The following SOX5 variants were observed in gnomAD, a reference collection of about 807,000 sequenced individuals.
SOX5 encodes the protein SRY-box transcription factor 5, also known as transcription factor SOX-5.
A neutral mutation model predicts 92.0 loss-of-function variants in SOX5; 9 were observed. The ratio of observed to expected loss-of-function variants is 0.10; its 90% CI spans 0.06 to 0.17. The LOEUF (loss-of-function observed/expected upper bound fraction) is 0.17, where lower values mean the gene tolerates loss of function less well. Among genes scored for constraint, SOX5 ranks in the 10% least tolerant of loss-of-function variants. The pLI, the probability that SOX5 is intolerant of heterozygous loss-of-function variation, is 1.00. For missense variants in SOX5, 642 were observed against 944.5 expected, an observed-to-expected ratio of 0.68 and a Z score of 4.20; for synonymous variants, 344 against 336.3, an observed-to-expected ratio of 1.02 and a Z score of -0.25.
chr12:23,992,452 G>T (rs28740811), intron 4 of SOX5, among the ~76,000 whole-genome samples: 8,027 of 152,100 alleles, frequency 0.053, 653 homozygotes, highest in East Asian at 0.38. Context: ...TACATAATTT[G>T]CAAAGTAGCC....
intron 3 of SOX5, among the ~76,000 whole-genome samples, chr12:23,837,093 A>G (rs1013906704): frequency 6.7e-6 from 1 of 149,466 alleles, no homozygotes; most frequent in African/African-American, 2.5e-5. Context: ...TTTGGTGACT[A>G]TTCTCAGGTC....
chr12:24,135,615 A>C (rs1565506041), intron 4 of SOX5, among the ~76,000 whole-genome samples: 1 of 152,224 alleles, frequency 6.6e-6, no homozygotes, highest in Admixed American at 6.5e-5. Flanking sequence ...ACATAATATA[A>C]ATAAATGTCA....
At chr12:23,782,363 A>G (rs2095297979) in intron 3 of SOX5, among the ~76,000 whole-genome samples, 1 of 152,174 alleles carries the variant, frequency 6.6e-6, no homozygotes. Context: ...AATAAATCTC[A>G]GGATCAAGAC....
rs1312952456 is a variant in SOX5, at chr12:23,910,573, G to A, written c.39-14549C>T. Among the ~76,000 whole-genome samples, 4 of 152,112 alleles carry A rather than the reference G, an allele frequency of 2.6e-5. No individual in the cohort carries two copies. In the East Asian group the frequency reaches 7.7e-4, roughly 29 times the overall value. On this transcript the variant is annotated intron_variant, in intron 1 of 14. Coordinates refer to ENST00000451604, the MANE Select transcript of SOX5 (RefSeq NM_006940.6). The stretch of plus-strand genomic sequence containing the variant: ...AGTTAGTAAGCAAAACACAATAAAT[G>A]CCCAAGGAAATCCCAGGGCAAGAGC...
At chr12:24,198,830 A>C (rs1165392248) in intron 4 of SOX5, among the ~76,000 whole-genome samples, 2 of 152,166 alleles carry the variant, frequency 1.3e-5, no homozygotes, top group East Asian at 3.8e-4. Flanking sequence ...TGCAGGGCAA[A>C]TGTAGAGTAT....
At chr12:24,175,100 A>T (rs1954660497) in intron 4 of SOX5, among the ~76,000 whole-genome samples, 1 of 152,238 alleles carries the variant, frequency 6.6e-6, no homozygotes, top group South Asian at 2.1e-4. Flanking sequence ...AATATTTTCA[A>T]CATTTGTTAG....
intron 1 of SOX5, among the ~76,000 whole-genome samples, chr12:24,495,059 T>C (rs1422594740): frequency 2.0e-5 from 3 of 152,226 alleles, no homozygotes; most frequent in Non-Finnish European, 2.9e-5. Flanking sequence ...TATAAATTTG[T>C]TCACAGAAGA....
chr12:24,133,981 G>A (rs10842280), intron 4 of SOX5, among the ~76,000 whole-genome samples: 22,893 of 152,050 alleles, frequency 0.15, 1,897 homozygotes, highest in Middle Eastern at 0.22. Flanking sequence ...CTACTTTAGG[G>A]CAAATTAGCT....
chr12:24,211,097 T>C (rs1958561292), intron 4 of SOX5, among the ~76,000 whole-genome samples: 1 of 152,208 alleles, frequency 6.6e-6, no homozygotes, highest in African/African-American at 2.4e-5. Context: ...TTCCTGCCAC[T>C]GCCCTTGCCA....
intron 2 of SOX5, among the ~76,000 whole-genome samples, chr12:23,871,934 T>C (rs1162035251): frequency 2.0e-5 from 3 of 151,908 alleles, no homozygotes; most frequent in African/African-American, 7.2e-5. Flanking sequence ...CTAAGAATAC[T>C]TGAGAGTACA....
At chr12:24,320,933 C>T (rs1950165690) in intron 2 of SOX5, among the ~76,000 whole-genome samples, 2 of 151,886 alleles carry the variant, frequency 1.3e-5, no homozygotes, top group Non-Finnish European at 2.9e-5. Context: ...ATTAAGAAGT[C>T]GTGAAACTGT....
chr12:23,882,595 G>A (rs1168957216), intron 2 of SOX5, among the ~76,000 whole-genome samples: 1 of 152,094 alleles, frequency 6.6e-6, no homozygotes, highest in African/African-American at 2.4e-5. Context: ...AGAATGATTC[G>A]ATTTATTGGA....
Position 24,432,206 on chromosome 12 carries a change from A to G in SOX5, c.-250-63567T>C, listed in dbSNP as rs11047435. Among the ~76,000 whole-genome samples the G allele has an allele frequency of 7.0e-3, 1,063 of 152,240 alleles. 6 individuals are homozygous for G. The highest frequency in any genetic ancestry group is 0.012 in the Non-Finnish European group (787 of 68,010). On this transcript the variant is annotated intron_variant, in intron 1 of 4. Transcript: ENST00000446891. ...CTGGAGGCCAAAGACCTGGATTTGA[A>G]TTTTGGTTGTGCCACTTTACTGGTG...
Position 23,817,267 on chromosome 12 carries a change from A to G in SOX5, c.481+28716T>C, listed in dbSNP as rs144192287. ...ACCCATTATTATTATTCTTATCATA[A>G]TCTTGACTCAACTTTCCAAGCATCT... On this transcript the variant is annotated intron_variant, in intron 3 of 14. Coordinates refer to ENST00000451604, the MANE Select transcript of SOX5 (RefSeq NM_006940.6). Among the ~76,000 whole-genome samples the G allele has an allele frequency of 8.0e-3, 1,215 of 152,290 alleles. 8 individuals are homozygous for G. The highest frequency in any genetic ancestry group is 0.014 in the Non-Finnish European group (929 of 68,016).
At chr12:24,434,184 A>G (rs1938951905) in intron 1 of SOX5, among the ~76,000 whole-genome samples, 1 of 152,154 alleles carries the variant, frequency 6.6e-6, no homozygotes. Context: ...TATTAGTACA[A>G]ATGACATCAT....
chr12:24,287,204 T>A (rs372885906), intron 2 of SOX5, among the ~76,000 whole-genome samples: 2 of 152,216 alleles, frequency 1.3e-5, no homozygotes, highest in African/African-American at 2.4e-5. Flanking sequence ...AGAAAAGATA[T>A]TCATATTTGA....
At chr12:24,271,073 A>C (rs1328556747) in intron 3 of SOX5, among the ~76,000 whole-genome samples, 6 of 152,250 alleles carry the variant, frequency 3.9e-5, no homozygotes, top group Admixed American at 3.3e-4. Context: ...AAGGGCTATA[A>C]ATTTCAACTT....
intron 7 of SOX5, among the ~76,000 whole-genome samples, chr12:23,642,615 T>C (rs554419470): frequency 1.3e-5 from 2 of 152,268 alleles, no homozygotes; most frequent in Admixed American, 6.5e-5. Flanking sequence ...TCAATGGGAT[T>C]GGGGAGGGAG....
At chr12:24,536,358 G>A (rs996815721) in intron 1 of SOX5, among the ~76,000 whole-genome samples, 1 of 152,146 alleles carries the variant, frequency 6.6e-6, no homozygotes, top group African/African-American at 2.4e-5. Flanking sequence ...GAGAGATGTC[G>A]GGATCAAGGC....
Sources: allele counts gnomAD v4.1 joint callset (sites outside exome capture counted in the v4.1 genomes callset), GRCh38; gene constraint gnomAD v4.1.1; transcripts MANE v1.5; gene names NCBI Gene and HGNC (gene_info 2026-07-23, HGNC 2026-07-21).